TMEM196: variants seen among roughly 807,000 people sequenced by gnomAD.
TMEM196 encodes transmembrane protein 196.
Under a neutral mutation model 20.0 loss-of-function variants are expected in TMEM196, and 17 were observed. The ratio of observed to expected loss-of-function variants is 0.85; its 90% CI spans 0.58 to 1.27. The LOEUF (loss-of-function observed/expected upper bound fraction) is 1.27, where lower values mean the gene tolerates loss of function less well. Ranked by LOEUF, TMEM196 falls within the 50% of genes most tolerant of loss-of-function variation. The pLI is 0.00. For missense variants in TMEM196, 267 were observed against 223.0 expected (o/e 1.20, Z -1.26); for synonymous variants, 113 against 88.9 (o/e 1.27, Z -1.52).
At chr7:19,732,939 A>G (rs1384830256) in intron 1 of TMEM196, among the ~76,000 whole-genome samples, 1 of 152,232 alleles carries the variant, frequency 6.6e-6, no homozygotes, top group Admixed American at 6.5e-5. Context: ...TTAGCTAAAA[A>G]AGTAAAGCTG....
At chr7:19,763,230 A>G (rs1260487698) in intron 1 of TMEM196, among the ~76,000 whole-genome samples, 1 of 152,184 alleles carries the variant, frequency 6.6e-6, no homozygotes, top group Non-Finnish European at 1.5e-5. Context: ...GCTGGGATAA[A>G]TGGTGTAACG....
intron 1 of TMEM196, among the ~76,000 whole-genome samples, chr7:19,754,154 T>A (rs2128032774): frequency 6.6e-6 from 1 of 152,318 alleles, no homozygotes; most frequent in African/African-American, 2.4e-5. Context: ...AAGTTACTTA[T>A]TTTTCCACAG....
At chr7:19,745,576 T>A (rs1436013077) in intron 1 of TMEM196, among the ~76,000 whole-genome samples, 2 of 151,780 alleles carry the variant, frequency 1.3e-5, no homozygotes, top group African/African-American at 4.8e-5. Flanking sequence ...TAGAATAAAT[T>A]TATTTCCATT....
intron 1 of TMEM196, among the ~76,000 whole-genome samples, chr7:19,760,113 C>T (rs565907825): frequency 2.0e-5 from 3 of 152,082 alleles, no homozygotes; most frequent in African/African-American, 7.2e-5. Flanking sequence ...CTACCTCCTC[C>T]CCCTCAGGTC....
chr7:19,751,724 G>A (rs960514198), intron 1 of TMEM196, among the ~76,000 whole-genome samples: 2 of 152,128 alleles, frequency 1.3e-5, no homozygotes, highest in African/African-American at 4.8e-5. Flanking sequence ...GTACAGACCA[G>A]TGTCAGAATT....
chr7:19,725,178 A>C (rs1783948427), intron 3 of TMEM196, among the ~76,000 whole-genome samples: 1 of 152,200 alleles, frequency 6.6e-6, no homozygotes, highest in Admixed American at 6.5e-5. Context: ...GCAATTTCTA[A>C]AACTGGCATT....
In TMEM196 at chr7:19,720,728, A is replaced by G. The variant is rs1414824323; in HGVS notation, c.*1400T>C. 6.6e-6 allele frequency: 1 copy of G among 151,906 alleles called. No individual in the cohort carries two copies. The highest frequency in any genetic ancestry group is 6.6e-5 in the Admixed American group (1 of 15,236). The allele number at this position is 151,906 out of a possible 1,614,324, so 9.4% of individuals were successfully genotyped here. ...TATACAAATGTTAGCCTATCTTTTCACTTTTTCCTCAAAGAATTCTTTCAG... is the reference window on the plus strand; with the variant it reads ...TATACAAATGTTAGCCTATCTTTTCGCTTTTTCCTCAAAGAATTCTTTCAG... On this transcript the variant is annotated 3_prime_UTR_variant, in exon 5 of 5. Coordinates refer to ENST00000405844, the MANE Select transcript of TMEM196 (RefSeq NM_001363562.2).
intron 1 of TMEM196, among the ~76,000 whole-genome samples, chr7:19,769,403 T>A (rs1785770026): frequency 6.6e-6 from 1 of 152,172 alleles, no homozygotes; most frequent in South Asian, 2.1e-4. Flanking sequence ...CTGGCCCCAA[T>A]CATTTTTTCT....
At chr7:19,732,587 A>AACAAAC (rs1554298173) in intron 1 of TMEM196, among the ~76,000 whole-genome samples, 1 of 104,564 alleles carries the variant, frequency 9.6e-6, no homozygotes, top group African/African-American at 4.0e-5. Context: ...AAAAAAAACA[A>AACAAAC]AAAAAAAAAA....
In TMEM196 at chr7:19,724,644, AC is replaced by A. The variant is rs1451377355; in HGVS notation, c.460-292del. On this transcript the variant is annotated intron_variant, in intron 3 of 4. Transcript: ENST00000405844. Reference sequence around the variant, plus strand: ...AGATTGTACACAAAATGGAAACGCTACAGAATAAATATTTTTCCTTCAAAAT... The same window carrying A: ...AGATTGTACACAAAATGGAAACGCTAAGAATAAATATTTTTCCTTCAAAAT... Among the ~76,000 whole-genome samples the A allele has an allele frequency of 3.3e-5, 5 of 152,324 alleles. No homozygotes were observed. In the South Asian group the frequency reaches 8.3e-4, roughly 25 times the overall value.
chr7:19,722,084 T>C lies in TMEM196; in HGVS notation c.*44A>G. On this transcript the variant is annotated 3_prime_UTR_variant, in exon 5 of 5. Transcript: ENST00000405844. ...TTCTTTAAAACATTGATTACACTCTTCCATTAAATATCAGCTGTGGTCCTC... is the reference window on the plus strand; with the variant it reads ...TTCTTTAAAACATTGATTACACTCTCCCATTAAATATCAGCTGTGGTCCTC... 6.2e-7 allele frequency: 1 copy of C among 1,610,256 alleles called. No homozygotes were observed. The highest frequency in any genetic ancestry group is 2.2e-5 in the East Asian group (1 of 44,596).
At chr7:19,765,631 A>G (rs1244287139) in intron 1 of TMEM196, among the ~76,000 whole-genome samples, 1 of 152,130 alleles carries the variant, frequency 6.6e-6, no homozygotes, top group East Asian at 1.9e-4. Flanking sequence ...GATTTGCCTA[A>G]TTTATATAAT....
chr7:19,750,737 C>T (rs1784928873), intron 1 of TMEM196, among the ~76,000 whole-genome samples: 1 of 152,098 alleles, frequency 6.6e-6, no homozygotes, highest in Non-Finnish European at 1.5e-5. Flanking sequence ...TTACAGAACT[C>T]AATAAAAATA....
intron 1 of TMEM196, among the ~76,000 whole-genome samples, chr7:19,732,585 C>CAA (rs1325672938): frequency 2.4e-3 from 200 of 84,142 alleles, no homozygotes; most frequent in African/African-American, 9.0e-3. Context: ...AAAAAAAAAA[C>CAA]AAAAAAAAAA....
chr7:19,761,370 C>T (rs1419827237), intron 1 of TMEM196, among the ~76,000 whole-genome samples: 1 of 152,152 alleles, frequency 6.6e-6, no homozygotes, highest in Non-Finnish European at 1.5e-5. Flanking sequence ...AATATAGTTC[C>T]ATACACCGTG....
chr7:19,754,794 T>C (rs1003660091), intron 1 of TMEM196, among the ~76,000 whole-genome samples: 11 of 152,210 alleles, frequency 7.2e-5, no homozygotes, highest in Non-Finnish European at 1.3e-4. Flanking sequence ...AAAGAGACAG[T>C]TGGATCACAT....
intron 1 of TMEM196, among the ~76,000 whole-genome samples, chr7:19,764,886 C>T (rs1785565194): frequency 1.3e-5 from 2 of 152,056 alleles, no homozygotes; most frequent in Non-Finnish European, 2.9e-5. Context: ...TCCATGTATT[C>T]AAGGGTGGGG....
chr7:19,727,490 A>G (rs185285782), intron 2 of TMEM196, among the ~76,000 whole-genome samples: 1 of 152,208 alleles, frequency 6.6e-6, no homozygotes, highest in Non-Finnish European at 1.5e-5. Context: ...ACTTGATTAA[A>G]TATAATACTG....
chr7:19,721,979 T>G lies in TMEM196; in HGVS notation c.*149A>C, dbSNP rs191590149. On this transcript the variant is annotated 3_prime_UTR_variant, in exon 5 of 5. Transcript: ENST00000405844. ...AATTTTAGTGGATGCTCAGGAGAGA[T>G]AAATGCAAATGCAAAAACTGTTTTA... is the stretch of plus-strand genomic sequence containing the variant. 12 of 1,024,934 alleles carry G rather than the reference T, an allele frequency of 1.2e-5. No individual in the cohort carries two copies. The highest frequency in any genetic ancestry group is 8.2e-5 in the African/African-American group (5 of 60,672). 63.5% of individuals were successfully genotyped at this position (1,024,934 alleles called of 1,614,324 possible). A position where few individuals can be genotyped will look rare whatever the true frequency, so the allele number is the denominator to read the frequency against.
Sources: gnomAD v4.1 joint callset for allele counts (sites outside exome capture counted in the v4.1 genomes callset) on GRCh38, gnomAD v4.1.1 for gene constraint, MANE v1.5 for transcripts, NCBI Gene and HGNC (gene_info 2026-07-23, HGNC 2026-07-21) for gene names.